The following CACNA1H variants were observed in gnomAD, a reference collection of about 807,000 sequenced individuals.
The protein encoded by CACNA1H is voltage-dependent T-type calcium channel subunit alpha-1H.
CACNA1H carries 149 observed loss-of-function variants against 192.5 expected under a neutral mutation model. The ratio of observed to expected loss-of-function variants is 0.77; its 90% confidence interval spans 0.68 to 0.89. The LOEUF (loss-of-function observed/expected upper bound fraction) is 0.89, where lower values mean the gene tolerates loss of function less well. Ranked by LOEUF, CACNA1H falls within the 40% of genes least tolerant of loss-of-function variation. CACNA1H has a pLI of 0.00. For missense variants in CACNA1H, 4,257 were observed against 3,423.5 expected, an observed-to-expected ratio of 1.24 and a Z score of -6.08; for synonymous variants, 2,202 against 1,475.2, an observed-to-expected ratio of 1.49 and a Z score of -11.29.
At position 1,218,441 on chromosome 16, in the gene CACNA1H, C is replaced by T. The variant is rs899082537; in HGVS notation, c.5677C>T (p.Arg1893Trp). ...GGCGCAGGGCCCCGGGAGTGCACGCCGGGTGGACGCGGACAGGCCTCCCTT... is the reference window on the plus strand; with the variant it reads ...GGCGCAGGGCCCCGGGAGTGCACGCTGGGTGGACGCGGACAGGCCTCCCTT... ...EMAQGPGSAR[R>W]VDADRPPLPQ... Residue 1893 changes from arginine (R) to tryptophan (W), a missense_variant, in exon 33 of 35, where the codon CGG becomes TGG. Coordinates refer to ENST00000348261, the MANE Select transcript of CACNA1H (RefSeq NM_021098.3). The T allele has an allele frequency of 1.1e-5, 17 of 1,551,868 alleles. No homozygotes were observed. Among genetic ancestry groups the T allele is most frequent in the African/African-American group, 1.4e-5 (1 of 73,098 alleles).
In CACNA1H at chr16:1,220,186, C is replaced by T; in HGVS notation, c.6254C>T (p.Ala2085Val). ...GQRCVSSRPA[A>V]PGGEEAEASD... is the part of the protein sequence containing the mutation. ...CGCTGCGTCTCCAGCCGGCCGGCGG[C>T]CCCAGGCGGAGAGGAGGCCGAGGCC... Residue 2085 changes from alanine to valine, a missense_variant, in exon 35 of 35, where the codon GCC becomes GTC. Ala to Val is a moderately conservative substitution (Grantham distance 64, BLOSUM62 0). Transcript: ENST00000348261. 6.5e-7 allele frequency: 1 copy of T among 1,529,686 alleles called. No homozygotes were observed. Among genetic ancestry groups the T allele is most frequent in the Non-Finnish European group, 8.7e-7 (1 of 1,143,864 alleles). The allele number at this position is 1,529,686 out of a possible 1,614,324, so 94.8% of individuals were successfully genotyped here. A position where few individuals can be genotyped will look rare whatever the true frequency, so the allele number is the denominator to read the frequency against.
chr16:1,158,163 C>T (rs567313622), intron 2 of CACNA1H, among the ~76,000 whole-genome samples: 6 of 152,318 alleles, frequency 3.9e-5, no homozygotes, highest in Admixed American at 3.9e-4. Context: ...TGTGTCCCTG[C>T]CTCCTGGGCT....
chr16:1,201,567 G>T, intron 8 of CACNA1H, 96 bp from the exon 9 acceptor site: 1 of 1,407,356 alleles, frequency 7.1e-7, no homozygotes, highest in Non-Finnish European at 9.6e-7. Flanking sequence ...TGCCTGTGAC[G>T]CGGCCCCCAC....
intron 30 of CACNA1H, among the ~76,000 whole-genome samples, chr16:1,216,672 G>A (rs962123749): frequency 2.0e-5 from 3 of 152,376 alleles, no homozygotes; most frequent in Admixed American, 6.5e-5. Flanking sequence ...GGCAGAGGAA[G>A]AGAGAAGCCA....
chr16:1,186,581 C>G (rs1966085163), intron 2 of CACNA1H, among the ~76,000 whole-genome samples: 1 of 152,142 alleles, frequency 6.6e-6, no homozygotes, highest in Non-Finnish European at 1.5e-5. Context: ...CGTGCCCACA[C>G]ACATGCCCCT....
chr16:1,177,262 G>A (rs974165886), intron 2 of CACNA1H, among the ~76,000 whole-genome samples: 8 of 152,188 alleles, frequency 5.3e-5, no homozygotes, highest in African/African-American at 1.9e-4. Flanking sequence ...TCCCAGGGCC[G>A]ATCCCCTCCA....
rs200629665 is a variant in CACNA1H at position 1,190,362 on chromosome 16, G to A, written c.300-4610G>A. On this transcript the variant is annotated intron_variant, in intron 2 of 34. Coordinates refer to ENST00000348261, the MANE Select transcript of CACNA1H (RefSeq NM_021098.3). ...CTCCAGAAGTCACCAGGCTCCGTGCGACACAGCCGGCAGACACTGCCTGTC... is the reference window on the plus strand; with the variant it reads ...CTCCAGAAGTCACCAGGCTCCGTGCAACACAGCCGGCAGACACTGCCTGTC... Among the ~76,000 whole-genome samples the A allele has an allele frequency of 1.9e-4, 29 of 152,348 alleles. No homozygotes were observed. The East Asian group carries it at 4.8e-3, about 25-fold the overall frequency.
chr16:1,208,328 TG>T, intron 16 of CACNA1H, 107 bp downstream of exon 16: 1 of 767,882 alleles, frequency 1.3e-6, no homozygotes, highest in Non-Finnish European at 2.2e-6. Context: ...CCCACACCCT[TG>T]AAGTCCCAGC....
chr16:1,154,681 T>C (rs1962065508), intron 2 of CACNA1H, among the ~76,000 whole-genome samples: 1 of 152,076 alleles, frequency 6.6e-6, no homozygotes, highest in South Asian at 2.1e-4. Context: ...CAATTGGCAC[T>C]GCCAAGGGGG....
At chr16:1,183,513 T>C (rs1009620131) in intron 2 of CACNA1H, among the ~76,000 whole-genome samples, 4 of 152,202 alleles carry the variant, frequency 2.6e-5, no homozygotes, top group Non-Finnish European at 5.9e-5. Context: ...CCGGCAACCC[T>C]GATCCTGGAT....
chr16:1,162,309 A>G (rs1447054760), intron 2 of CACNA1H, among the ~76,000 whole-genome samples: 1 of 152,034 alleles, frequency 6.6e-6, no homozygotes, highest in Admixed American at 6.5e-5. Flanking sequence ...AGCTGCGAGC[A>G]GGGGTGCAGG....
At chr16:1,157,906 A>G (rs1256316897) in intron 2 of CACNA1H, 2 of 152,308 alleles carry the variant, frequency 1.3e-5, no homozygotes, top group South Asian at 4.1e-4. Flanking sequence ...CGCCCGACCC[A>G]CGGCCCGGCT....
rs1970076358 is a variant in CACNA1H at position 1,216,952 on chromosome 16, T to C, written c.5265T>C (p.Leu1755=). The C allele has an allele frequency of 1.7e-5, 28 of 1,605,104 alleles. No individual in the cohort carries two copies. The highest frequency in any genetic ancestry group is 2.4e-5 in the Non-Finnish European group (28 of 1,176,092). Residue 1755 remains leucine (L), a synonymous_variant, in exon 31 of 35, where the codon CTT becomes CTC. Transcript: ENST00000348261. ...ALPQVGNLGL[L]FMLLFFIYAA... ...TGTAGGTGGGGAACCTGGGCCTTCT[T>C]TTCATGCTCCTGTTTTTTATCTATG...
chr16:1,154,447 G>T (rs113554660), intron 2 of CACNA1H, among the ~76,000 whole-genome samples: 1,855 of 152,242 alleles, frequency 0.012, 51 homozygotes, highest in African/African-American at 0.041. Context: ...GGCCCCTCGC[G>T]GGGGAGGGGG....
intron 26 of CACNA1H, 78 bp downstream of exon 26, chr16:1,212,606 C>T (rs1207100380): frequency 1.6e-5 from 24 of 1,534,724 alleles, no homozygotes; most frequent in Non-Finnish European, 1.9e-5. Flanking sequence ...CCCAGGCCTG[C>T]TGGGGTCCTC....
At chr16:1,162,640 G>GA (rs1022733306) in intron 2 of CACNA1H, among the ~76,000 whole-genome samples, 5 of 62,816 alleles carry the variant, frequency 8.0e-5, no homozygotes, top group Non-Finnish European at 1.5e-4. Flanking sequence ...CACCTGGAGT[G>GA]GGGGGGGGGG....
chr16:1,204,505 G>A (rs1968411448), intron 10 of CACNA1H, 47 bp downstream of exon 10: 8 of 1,452,092 alleles, frequency 5.5e-6, no homozygotes, highest in Non-Finnish European at 6.5e-6. Context: ...CAGGCTTGCA[G>A]GGCCTGGGGA....
intron 2 of CACNA1H, among the ~76,000 whole-genome samples, chr16:1,183,865 A>G (rs934203025): frequency 6.6e-6 from 1 of 152,250 alleles, no homozygotes; most frequent in Non-Finnish European, 1.5e-5. Context: ...ATCTGGCTCC[A>G]GAATTTCGCC....
intron 25 of CACNA1H, among the ~76,000 whole-genome samples, 154 bp from the exon 26 acceptor site, chr16:1,212,357 C>A (rs1348024962): frequency 2.0e-5 from 3 of 152,106 alleles, no homozygotes; most frequent in African/African-American, 7.2e-5. Context: ...CCAACCCCAT[C>A]CCCAGCGCCC....
Sources: allele counts gnomAD v4.1 joint callset (sites outside exome capture counted in the v4.1 genomes callset), GRCh38; gene constraint gnomAD v4.1.1; transcripts MANE v1.5; gene names NCBI Gene and HGNC (gene_info 2026-07-23, HGNC 2026-07-21).